Variants in MCTP1 observed in about 807,000 individuals in gnomAD.
The protein encoded by MCTP1 is multiple C2 and transmembrane domain containing 1.
MCTP1 carries 69 observed loss-of-function variants against 120.6 expected under a neutral mutation model. The ratio of observed to expected loss-of-function variants is 0.57; its 90% CI spans 0.47 to 0.70. The LOEUF (loss-of-function observed/expected upper bound fraction) is 0.70, where lower values mean the gene tolerates loss of function less well. MCTP1 is among the 30% of genes least tolerant of loss of function. The probability of loss-of-function intolerance (pLI) is 0.00; values close to 1 mark genes in which losing one functional copy is unlikely to be tolerated. For missense variants in MCTP1, 1,203 were observed against 1,248.8 expected (o/e 0.96, Z 0.55); for synonymous variants, 529 against 493.1 (o/e 1.07, Z -0.96).
intron 5 of MCTP1, among the ~76,000 whole-genome samples, chr5:94,932,368 T>G (rs537936222): frequency 6.6e-6 from 1 of 152,146 alleles, no homozygotes; most frequent in African/African-American, 2.4e-5. Flanking sequence ...ATTTTTCTCT[T>G]CAAACACATT....
intron 1 of MCTP1, among the ~76,000 whole-genome samples, chr5:95,225,902 A>T (rs1360671884): frequency 6.6e-6 from 1 of 152,170 alleles, no homozygotes; most frequent in East Asian, 1.9e-4. Flanking sequence ...GAGATTCCAG[A>T]ATCATTAGAT....
chr5:95,186,595 G>A (rs1270511145), intron 1 of MCTP1, among the ~76,000 whole-genome samples: 1 of 152,152 alleles, frequency 6.6e-6, no homozygotes, highest in Non-Finnish European at 1.5e-5. Context: ...CTCTCCCCAA[G>A]TTGACATATG....
At chr5:95,209,145 T>C (rs536110208) in intron 1 of MCTP1, among the ~76,000 whole-genome samples, 26 of 152,200 alleles carry the variant, frequency 1.7e-4, no homozygotes, top group Admixed American at 1.3e-4. Context: ...TCATCCCCAA[T>C]TGTCTTCCAA....
chr5:94,954,069 C>A (rs1400306923), intron 2 of MCTP1, among the ~76,000 whole-genome samples: 6 of 63,066 alleles, frequency 9.5e-5, no homozygotes, highest in East Asian at 3.7e-4. Context: ...AATATATATG[C>A]ATATATATAC....
intron 12 of MCTP1, among the ~76,000 whole-genome samples, chr5:94,879,300 T>C (rs1010507908): frequency 1.3e-5 from 2 of 152,068 alleles, no homozygotes; most frequent in African/African-American, 4.8e-5. Flanking sequence ...CGTAAATCAA[T>C]AGCTATATTT....
At chr5:94,891,733 TATA>T (rs1317539418) in intron 11 of MCTP1, among the ~76,000 whole-genome samples, 1 of 149,114 alleles carries the variant, frequency 6.7e-6, no homozygotes. Flanking sequence ...ACACATCGAT[TATA>T]ATAAGAAGTA....
At chr5:95,170,085 T>C (rs1431235563) in intron 1 of MCTP1, among the ~76,000 whole-genome samples, 2 of 152,222 alleles carry the variant, frequency 1.3e-5, no homozygotes, top group African/African-American at 2.4e-5. Context: ...GCTTTGAATG[T>C]GTCCCAGAGA....
At chr5:94,909,531 A>G (rs1807891392) in intron 9 of MCTP1, 150 bp from the exon 10 acceptor site, 1 of 718,962 alleles carries the variant, frequency 1.4e-6, no homozygotes, top group Admixed American at 3.5e-5. Context: ...TAATGGAAAT[A>G]ACTCATTAGA....
intron 17 of MCTP1, among the ~76,000 whole-genome samples, chr5:94,853,807 C>T (rs1274169155): frequency 6.6e-6 from 1 of 151,888 alleles, no homozygotes; most frequent in East Asian, 1.9e-4. Context: ...AATACTCTGT[C>T]CACAAGGCCA....
chr5:95,246,370 G>C (rs1756787541), intron 1 of MCTP1, among the ~76,000 whole-genome samples: 3 of 151,912 alleles, frequency 2.0e-5, no homozygotes. Context: ...CCAATTAAAA[G>C]ACATAAACTG....
chr5:94,801,391 C>T (rs1781206727), intron 17 of MCTP1, among the ~76,000 whole-genome samples: 1 of 152,210 alleles, frequency 6.6e-6, no homozygotes, highest in South Asian at 2.1e-4. Context: ...CAAGAAAATG[C>T]ATTCAGAGTT....
intron 1 of MCTP1, among the ~76,000 whole-genome samples, chr5:95,149,984 T>G (rs763293006): frequency 9.2e-5 from 14 of 152,156 alleles, no homozygotes; most frequent in Non-Finnish European, 2.1e-4. Flanking sequence ...CTGTTCTCCA[T>G]GTGTCCCTTT....
At chr5:95,248,659 G>GA (rs749585443) in intron 1 of MCTP1, among the ~76,000 whole-genome samples, 25 of 152,198 alleles carry the variant, frequency 1.6e-4, no homozygotes, top group Non-Finnish European at 3.2e-4. Flanking sequence ...CACAGAATTG[G>GA]AAAAAACTAC....
intron 1 of MCTP1, among the ~76,000 whole-genome samples, chr5:95,232,389 G>A (rs1399355131): frequency 2.0e-5 from 3 of 151,488 alleles, no homozygotes; most frequent in African/African-American, 7.3e-5. Flanking sequence ...CAATTAAAAG[G>A]TAGAAATTGT....
At chr5:95,077,972 G>A (rs1461322880) in intron 1 of MCTP1, among the ~76,000 whole-genome samples, 2 of 67,944 alleles carry the variant, frequency 2.9e-5, no homozygotes, top group Non-Finnish European at 7.4e-5. Flanking sequence ...CCAGTGTCAG[G>A]TACATGAGTC....
At chr5:94,712,229 A>AT (rs1757279857) in intron 20 of MCTP1, among the ~76,000 whole-genome samples, 1 of 152,114 alleles carries the variant, frequency 6.6e-6, no homozygotes, top group Middle Eastern at 3.2e-3. Flanking sequence ...TTGTGATGGT[A>AT]ATATGTTTAT....
chr5:94,908,191 G>GA (rs536369743), intron 10 of MCTP1, among the ~76,000 whole-genome samples: 350 of 152,050 alleles, frequency 2.3e-3, no homozygotes, highest in Admixed American at 4.8e-3. Flanking sequence ...TTAATTAAGG[G>GA]AAAAAATGTG....
chr5:95,129,676 T>C (rs1445275761), intron 1 of MCTP1, among the ~76,000 whole-genome samples: 1 of 152,054 alleles, frequency 6.6e-6, no homozygotes, highest in African/African-American at 2.4e-5. Context: ...TCTTTTTTTT[T>C]TGAGACAAAG....
chr5:94,929,689 T>C (rs1581411684), intron 6 of MCTP1: 8 of 985,160 alleles, frequency 8.1e-6, no homozygotes, highest in Non-Finnish European at 9.6e-6. Flanking sequence ...AGTTTCAATG[T>C]AGCAGAGTGT....
Sources: allele counts gnomAD v4.1 joint callset (sites outside exome capture counted in the v4.1 genomes callset), GRCh38; gene constraint gnomAD v4.1.1; transcripts MANE v1.5; gene names NCBI Gene and HGNC (gene_info 2026-07-23, HGNC 2026-07-21).